ST7: variants seen among roughly 807,000 people sequenced by gnomAD.
ST7 encodes the protein suppression of tumorigenicity 7.
In ST7, 28 loss-of-function variants were observed where a neutral mutation model predicts 78.7. The observed-to-expected ratio is 0.36, with a 90% CI of 0.26 to 0.49. ST7 has a LOEUF of 0.49. Ranked by LOEUF, ST7 falls within the 20% of genes least tolerant of loss-of-function variation. ST7 has a pLI of 0.99. For synonymous variants in ST7, 247 were observed against 249.6 expected (o/e 0.99, Z 0.10); for missense variants, 418 against 696.0 (o/e 0.60, Z 4.49).
chr7:116,980,854 A>G (rs770782623), intron 1 of ST7, among the ~76,000 whole-genome samples: 4 of 152,258 alleles, frequency 2.6e-5, no homozygotes, highest in Non-Finnish European at 4.4e-5. Context: ...TTTGTTAATC[A>G]GAAATTGGTA....
rs535222316 is a variant in ST7, at chr7:117,098,807, A to G, written c.152-955A>G. 9 of 1,302,664 alleles carry G rather than the reference A, an allele frequency of 6.9e-6. No individual in the cohort carries two copies. The African/African-American group carries it at 7.6e-5, about 11-fold the overall frequency. The allele number at this position is 1,302,664 out of a possible 1,614,324, so 80.7% of individuals were successfully genotyped here. ...GTAAAGAAATGTGAATACTCCCACA[A>G]AAAGCCCAGTAAGTATGTGGTGGTT... On this transcript the variant is annotated intron_variant, in intron 1 of 15. Coordinates refer to ENST00000323984, the MANE Select transcript of ST7 (RefSeq NM_001369598.1).
At chr7:117,197,444 A>G (rs995921165) in intron 12 of ST7, among the ~76,000 whole-genome samples, 4 of 152,222 alleles carry the variant, frequency 2.6e-5, no homozygotes, top group African/African-American at 9.6e-5. Flanking sequence ...GTAGATTTAA[A>G]GAATGGGAAT....
At chr7:117,095,621 C>A (rs927334773) in intron 1 of ST7, among the ~76,000 whole-genome samples, 2 of 152,184 alleles carry the variant, frequency 1.3e-5, no homozygotes, top group African/African-American at 4.8e-5. Context: ...GGTGCCCAGT[C>A]AGGTCCGATG....
intron 1 of ST7, among the ~76,000 whole-genome samples, chr7:117,064,600 A>G (rs1798534552): frequency 6.6e-6 from 1 of 152,218 alleles, no homozygotes; most frequent in Admixed American, 6.5e-5. Context: ...TAATACAGAT[A>G]ATTTTGTCAT....
At chr7:117,080,954 C>G (rs2116608400) in intron 1 of ST7, 1 of 152,170 alleles carries the variant, frequency 6.6e-6, no homozygotes, top group South Asian at 2.1e-4. Context: ...AAAAGATAGT[C>G]AAACACAGGT....
At chr7:117,208,440 G>A (rs554073305) in intron 12 of ST7, among the ~76,000 whole-genome samples, 1 of 152,212 alleles carries the variant, frequency 6.6e-6, no homozygotes, top group Non-Finnish European at 1.5e-5. Context: ...TACTCTTCCT[G>A]CTTTGAGGCC....
rs542574634 is a variant in ST7, at chr7:117,160,485, A to G, written c.964-10377A>G. Among the ~76,000 whole-genome samples, 221 of 151,920 alleles carry G rather than the reference A, an allele frequency of 1.5e-3. 4 individuals carry two copies. In the Middle Eastern group the frequency reaches 0.017, roughly 12 times the overall value. ...TCAACCCAGATCTATCTGATTGCAA[A>G]AGTGGTGCTGCTCTTGACTTCTATA... On this transcript the variant is annotated intron_variant, in intron 9 of 15. Transcript: ENST00000323984.
chr7:117,181,577 A>G (rs1808772335), intron 10 of ST7, among the ~76,000 whole-genome samples: 1 of 152,170 alleles, frequency 6.6e-6, no homozygotes, highest in African/African-American at 2.4e-5. Flanking sequence ...AGCAGAAAAT[A>G]TTGTATTAAT....
At chr7:117,012,739 A>G (rs1795438726) in intron 1 of ST7, among the ~76,000 whole-genome samples, 1 of 152,088 alleles carries the variant, frequency 6.6e-6, no homozygotes. Context: ...AGGCTCAGAG[A>G]GGTTTAAAAA....
intron 2 of ST7, among the ~76,000 whole-genome samples, chr7:117,112,094 A>ATG (rs149580533): frequency 6.2e-4 from 93 of 151,006 alleles, no homozygotes; most frequent in South Asian, 2.1e-3. Flanking sequence ...ATATATATGC[A>ATG]TGTGTGTGTG....
intron 15 of ST7, among the ~76,000 whole-genome samples, chr7:117,224,572 A>G (rs1364627486): frequency 6.6e-6 from 1 of 152,230 alleles, no homozygotes; most frequent in Non-Finnish European, 1.5e-5. Context: ...AAACATTTTT[A>G]GAGCATATTT....
chr7:117,039,899 G>A (rs1353234130), intron 1 of ST7, among the ~76,000 whole-genome samples: 3 of 152,092 alleles, frequency 2.0e-5, no homozygotes, highest in Non-Finnish European at 4.4e-5. Flanking sequence ...CAAGCATCTT[G>A]CAAATCTTGG....
chr7:117,136,047 T>C lies in ST7; in HGVS notation c.711-34T>C, dbSNP rs113506667. The C allele has an allele frequency of 6.4e-4, 1,021 of 1,607,862 alleles. 3 individuals are homozygous for C. The African/African-American group carries it at 0.012, about 18-fold the overall frequency. On this transcript the variant is annotated intron_variant, in intron 7 of 15. Transcript: ENST00000323984. The stretch of plus-strand genomic sequence containing the variant: ...CAGTCTATTACCATGTCCTTGGCTT[T>C]GTAATTGATGGTGGCTATTATCTGA...
intron 1 of ST7, among the ~76,000 whole-genome samples, chr7:117,048,571 C>G (rs1563041057): frequency 6.6e-6 from 1 of 152,142 alleles, no homozygotes; most frequent in Non-Finnish European, 1.5e-5. Context: ...TCTCCAAGAT[C>G]CATATCTTGA....
At chr7:117,137,296 A>G (rs1166859780) in intron 8 of ST7, 1 of 152,092 alleles carries the variant, frequency 6.6e-6, no homozygotes, top group Non-Finnish European at 1.5e-5. Context: ...CTAAGTTTTT[A>G]TTTTTATTCT....
intron 1 of ST7, among the ~76,000 whole-genome samples, chr7:116,992,093 A>T (rs999625027): frequency 2.0e-5 from 3 of 152,118 alleles, no homozygotes; most frequent in Non-Finnish European, 2.9e-5. Flanking sequence ...CACTGCTTTC[A>T]TGGGCTGGTG....
intron 1 of ST7, chr7:117,020,317 A>C (rs1200134276): frequency 2.2e-6 from 1 of 445,564 alleles, no homozygotes; most frequent in African/African-American, 2.0e-5. Context: ...ACCGCATCCC[A>C]GAAGAGGCAC....
chr7:117,115,914 C>G (rs1802845702), intron 2 of ST7, among the ~76,000 whole-genome samples: 1 of 152,206 alleles, frequency 6.6e-6, no homozygotes, highest in Non-Finnish European at 1.5e-5. Flanking sequence ...TCCTTCCATT[C>G]AGTCTTCTAG....
At position 117,170,898 on chromosome 7, in the gene ST7, A is replaced by G; in HGVS notation, c.1000A>G (p.Ile334Val). The part of the protein sequence containing the change: ...KEFPLLSMFN[I>V]HENLLEALLE... ...GTTCCCCCTTCTGAGTATGTTCAAT[A>G]TCCATGAAAACCTTTTAGAAGCCCT... The change falls in exon 10 of 16, where the codon ATC (isoleucine) becomes GTC (valine). Residue 334 changes from isoleucine to valine, a missense_variant. Ile to Val is a conservative substitution (Grantham distance 29, BLOSUM62 3). This residue lies in a region of ST7 where 288 missense variants were observed against 537.1 expected (regional missense o/e 0.54). Coordinates refer to ENST00000323984, the MANE Select transcript of ST7 (RefSeq NM_001369598.1). 6.2e-7 allele frequency: 1 copy of G among 1,612,008 alleles called. No homozygotes were observed. Among genetic ancestry groups the G allele is most frequent in the Non-Finnish European group, 8.5e-7 (1 of 1,178,794 alleles).
Sources: allele counts gnomAD v4.1 joint callset (sites outside exome capture counted in the v4.1 genomes callset), GRCh38; gene constraint gnomAD v4.1.1; regional missense constraint gnomAD v4.1.1; transcripts MANE v1.5; gene names NCBI Gene and HGNC (gene_info 2026-07-23, HGNC 2026-07-21).